The following CGAS variants were observed in gnomAD, a reference collection of about 807,000 sequenced individuals.
CGAS encodes the protein 2'3'-cGAMP synthase.
A neutral mutation model predicts 34.0 loss-of-function variants in CGAS; 31 were observed. The observed-to-expected ratio is 0.91, with a 90% CI of 0.69 to 1.23. The LOEUF (loss-of-function observed/expected upper bound fraction) is 1.23. Ranked by LOEUF, CGAS falls within the 50% of genes most tolerant of loss-of-function variation. CGAS has a pLI of 0.00. For synonymous variants in CGAS, 266 were observed against 260.0 expected, an observed-to-expected ratio of 1.02 and a Z score of -0.22; for missense variants, 597 against 657.6, an observed-to-expected ratio of 0.91 and a Z score of 1.01.
chr6:73,426,120 T>C (rs917028654), intron 4 of CGAS, among the ~76,000 whole-genome samples: 6 of 150,834 alleles, frequency 4.0e-5, no homozygotes, highest in African/African-American at 1.5e-4. Flanking sequence ...CCATCTCTAC[T>C]AAAAATACAA....
chr6:73,445,655 A>G lies in CGAS; in HGVS notation c.750T>C (p.Phe250=). 6.2e-7 allele frequency: 1 copy of G among 1,613,110 alleles called. No homozygotes were observed. Among genetic ancestry groups the G allele is most frequent in the Non-Finnish European group, 8.5e-7 (1 of 1,179,658 alleles). The part of the protein sequence containing the change: ...EEYSNTRAYY[F]VKFKRNPKEN... ...CTTTCGGATTTCTTTTAAATTTCAC[A>G]AAGTAATATGCACGAGTGTTGGAAT... The change falls in exon 2 of 5, where the codon TTT becomes TTC. Residue 250 remains phenylalanine, a synonymous_variant. Coordinates refer to ENST00000370315, the MANE Select transcript of CGAS (RefSeq NM_138441.3).
chr6:73,438,257 T>C lies in CGAS; in HGVS notation c.1114+1952A>G, dbSNP rs570385358. 6.4e-4 allele frequency among the ~76,000 whole-genome samples: 97 copies of C among 152,222 alleles called. 1 individual carries two copies. The South Asian group carries it at 0.02, about 31-fold the overall frequency. On this transcript the variant is annotated intron_variant, in intron 3 of 4. Transcript: ENST00000370315. Reference sequence around the variant, plus strand: ...CTCTGTTCACATACACTCACACACATACACAGAAGCAGAGTTTTGTCTAAT... The same window carrying C: ...CTCTGTTCACATACACTCACACACACACACAGAAGCAGAGTTTTGTCTAAT...
rs113374767 is a variant in CGAS, at chr6:73,451,752, G to A, written c.430C>T (p.Pro144Ser). The change falls in exon 1 of 5, where the codon CCC becomes TCC. Residue 144 changes from proline (P) to serine (S), a missense_variant. Transcript: ENST00000370315. The part of the protein sequence containing the change: ...PPPGPWDVPS[P>S]GLPVSAPILV... ...ATGGGGGCCGAGACCGGCAGGCCGG[G>A]GCTGGGCACGTCCCAGGGCCCGGGC... The A allele has an allele frequency of 3.1e-6, 5 of 1,609,536 alleles. No individual in the cohort carries two copies. The highest frequency in any genetic ancestry group is 2.2e-5 in the South Asian group (2 of 90,706).
At chr6:73,443,492 C>T (rs796247881) in intron 2 of CGAS, among the ~76,000 whole-genome samples, 5 of 152,214 alleles carry the variant, frequency 3.3e-5, no homozygotes, top group African/African-American at 1.2e-4. Flanking sequence ...CCCGCCTCGG[C>T]CTCCCAAAGT....
intron 3 of CGAS, 149 bp downstream of exon 3, chr6:73,440,060 C>A (rs1582654194): frequency 1.5e-6 from 1 of 655,500 alleles, no homozygotes. Flanking sequence ...TCAATTCTGT[C>A]TGTCACCAGA....
chr6:73,446,329 CAAAAA>C (rs55833644), intron 1 of CGAS, among the ~76,000 whole-genome samples: 5 of 114,510 alleles, frequency 4.4e-5, no homozygotes, highest in Admixed American at 9.2e-5. Context: ...GACTCCATCT[CAAAAA>C]AAAAAAAAAA....
At position 73,451,022 on chromosome 6, in the gene CGAS, G is replaced by GA. The variant is rs1293449974; in HGVS notation, c.657+502dup. 4.7e-4 allele frequency among the ~76,000 whole-genome samples: 70 copies of GA among 150,224 alleles called. 1 individual carries two copies. The highest frequency in any genetic ancestry group is 2.1e-4 in the South Asian group (1 of 4,730). ...AAAAAAAAGAAAAGAAAAGAAAAAAGAAAAAAAAGAAATTGGGGTCAGACG... is the reference window on the plus strand; with the variant it reads ...AAAAAAAAGAAAAGAAAAGAAAAAAGAAAAAAAAAGAAATTGGGGTCAGACG... On this transcript the variant is annotated intron_variant, in intron 1 of 4. Transcript: ENST00000370315.
chr6:73,435,053 T>C (rs1422037086), intron 3 of CGAS, among the ~76,000 whole-genome samples: 1 of 152,114 alleles, frequency 6.6e-6, no homozygotes. Flanking sequence ...GGTGCTGCAG[T>C]GGCACGTGTC....
chr6:73,439,414 G>C (rs1214803257), intron 3 of CGAS, among the ~76,000 whole-genome samples: 2 of 150,326 alleles, frequency 1.3e-5, no homozygotes, highest in Non-Finnish European at 3.0e-5. Flanking sequence ...CCGGGAGGCA[G>C]AGGTTGCAGC....
intron 4 of CGAS, among the ~76,000 whole-genome samples, chr6:73,427,211 G>C (rs980695625): frequency 6.6e-6 from 1 of 151,884 alleles, no homozygotes; most frequent in Admixed American, 6.6e-5. Flanking sequence ...AAGAACCTCT[G>C]TGCCTGCATG....
At chr6:73,444,849 T>C (rs980638365) in intron 2 of CGAS, among the ~76,000 whole-genome samples, 1 of 152,102 alleles carries the variant, frequency 6.6e-6, no homozygotes, top group African/African-American at 2.4e-5. Context: ...AGCACTTGCA[T>C]CTGGATTAAG....
At chr6:73,437,743 A>C (rs1770301893) in intron 3 of CGAS, among the ~76,000 whole-genome samples, 1 of 152,200 alleles carries the variant, frequency 6.6e-6, no homozygotes, top group South Asian at 2.1e-4. Flanking sequence ...ATTTTGCAAC[A>C]GGTAAATTTT....
intron 3 of CGAS, among the ~76,000 whole-genome samples, chr6:73,430,548 G>T (rs1462433485): frequency 1.3e-5 from 2 of 152,084 alleles, no homozygotes; most frequent in Non-Finnish European, 2.9e-5. Context: ...GGCTGAGGCA[G>T]GAGAATCCCT....
intron 1 of CGAS, among the ~76,000 whole-genome samples, chr6:73,451,076 G>A (rs1031249168): frequency 1.2e-4 from 18 of 151,998 alleles, no homozygotes; most frequent in African/African-American, 4.3e-4. Flanking sequence ...CAGGGAGGAA[G>A]AGGGGGAGAG....
intron 3 of CGAS, 127 bp downstream of exon 3, chr6:73,440,082 T>C (rs1368911518): frequency 3.8e-6 from 3 of 787,602 alleles, no homozygotes; most frequent in African/African-American, 3.5e-5. Context: ...TCCCATCTTA[T>C]AACCTATTTT....
chr6:73,425,649 A>T (rs1770073366), intron 4 of CGAS, 71 bp from the exon 5 acceptor site: 1 of 985,618 alleles, frequency 1.0e-6, no homozygotes, highest in African/African-American at 1.7e-5. Context: ...GGCATCTCAT[A>T]GCAAAAATAT....
intron 3 of CGAS, among the ~76,000 whole-genome samples, chr6:73,436,864 C>T (rs1295810232): frequency 6.6e-5 from 10 of 152,072 alleles, no homozygotes; most frequent in African/African-American, 2.4e-4. Context: ...TTTTAAAACA[C>T]GGAAGGCCAG....
intron 1 of CGAS, among the ~76,000 whole-genome samples, chr6:73,446,115 G>A (rs1770464927): frequency 6.6e-6 from 1 of 151,726 alleles, no homozygotes; most frequent in African/African-American, 2.4e-5. Flanking sequence ...ATTCACCTGA[G>A]GTCAGGTGTT....
chr6:73,441,669 G>A (rs1311838431), intron 2 of CGAS, among the ~76,000 whole-genome samples: 2 of 152,180 alleles, frequency 1.3e-5, no homozygotes, highest in African/African-American at 4.8e-5. Context: ...TGGCTGCTGG[G>A]TGGGTGGCTA....
Sources: gnomAD v4.1 joint callset for allele counts (sites outside exome capture counted in the v4.1 genomes callset) on GRCh38, gnomAD v4.1.1 for gene constraint, MANE v1.5 for transcripts, NCBI Gene and HGNC (gene_info 2026-07-23, HGNC 2026-07-21) for gene names.